ASIC2: variants seen among roughly 807,000 people sequenced by gnomAD.
The protein encoded by ASIC2 is acid-sensing ion channel 2.
In ASIC2, 25 loss-of-function variants were observed where a neutral mutation model predicts 57.3. The observed-to-expected ratio is 0.44, with a 90% CI of 0.32 to 0.61. The LOEUF (loss-of-function observed/expected upper bound fraction) is 0.61, where lower values mean the gene tolerates loss of function less well. Ranked by LOEUF, ASIC2 falls within the 20% of genes least tolerant of loss-of-function variation. ASIC2 has a pLI of 0.06. For missense variants in ASIC2, 641 were observed against 738.1 expected, an observed-to-expected ratio of 0.87 and a Z score of 1.52; for synonymous variants, 319 against 307.5, an observed-to-expected ratio of 1.04 and a Z score of -0.39.
intron 1 of ASIC2, among the ~76,000 whole-genome samples, chr17:33,892,124 A>C (rs910586544): frequency 7.2e-5 from 11 of 152,254 alleles, no homozygotes; most frequent in Admixed American, 5.9e-4. Context: ...AAACTCGGCA[A>C]GGTTCTTGTT....
chr17:33,773,178 G>A (rs1911167627), intron 1 of ASIC2, among the ~76,000 whole-genome samples: 1 of 152,002 alleles, frequency 6.6e-6, no homozygotes, highest in African/African-American at 2.4e-5. Context: ...CATAGGGATT[G>A]AAAATCTTTC....
chr17:33,911,490 G>A (rs553393114), intron 1 of ASIC2, among the ~76,000 whole-genome samples: 1 of 152,322 alleles, frequency 6.6e-6, no homozygotes, highest in South Asian at 2.1e-4. Flanking sequence ...GAATCAGACT[G>A]AAGTAGGCAG....
chr17:33,312,193 C>T (rs1207763047), intron 1 of ASIC2, among the ~76,000 whole-genome samples: 2 of 152,042 alleles, frequency 1.3e-5, no homozygotes, highest in Non-Finnish European at 2.9e-5. Flanking sequence ...TAAGTGAGAG[C>T]AATATAGGTA....
In ASIC2 at chr17:33,600,883, T is replaced by C. The variant is rs140588954; in HGVS notation, c.556-488816A>G. ...TCAGACAGAAATGAGGAAGAAGACA[T>C]TGGAAACTGGAATAAAGGCCATCCC... On this transcript the variant is annotated intron_variant, in intron 1 of 9. Coordinates refer to the ASIC2 transcript ENST00000359872. Among the ~76,000 whole-genome samples the C allele has an allele frequency of 5.6e-3, 856 of 152,220 alleles. 4 individuals carry two copies. Among genetic ancestry groups the C allele is most frequent in the African/African-American group, 0.02 (817 of 41,540 alleles).
intron 1 of ASIC2, among the ~76,000 whole-genome samples, chr17:33,865,772 C>A (rs200425797): frequency 0.24 from 17,303 of 73,522 alleles, 1,160 homozygotes; most frequent in South Asian, 0.31. Flanking sequence ...AAAAAAAAAA[C>A]AAAAAAAAAA....
chr17:33,136,542 C>A (rs1288542857), intron 1 of ASIC2, among the ~76,000 whole-genome samples: 1 of 152,212 alleles, frequency 6.6e-6, no homozygotes, highest in Non-Finnish European at 1.5e-5. Context: ...TGGAAAACTT[C>A]TTCTGGAAGC....
chr17:33,191,134 T>C (rs1906402545), intron 1 of ASIC2, among the ~76,000 whole-genome samples: 1 of 152,138 alleles, frequency 6.6e-6, no homozygotes, highest in Non-Finnish European at 1.5e-5. Flanking sequence ...AATAGAAATA[T>C]GTCTCAGCAA....
chr17:34,124,019 T>G (rs1183240876), intron 1 of ASIC2, among the ~76,000 whole-genome samples: 1 of 152,090 alleles, frequency 6.6e-6, no homozygotes, highest in African/African-American at 2.4e-5. Context: ...GAGGTGGAGG[T>G]TGCATGAGCC....
intron 1 of ASIC2, among the ~76,000 whole-genome samples, chr17:33,823,242 T>C (rs756682090): frequency 4.6e-5 from 7 of 152,356 alleles, no homozygotes; most frequent in Middle Eastern, 3.4e-3. Flanking sequence ...GGATGAGATT[T>C]GAACCCAAGC....
chr17:33,335,170 C>T (rs564524383), intron 1 of ASIC2, among the ~76,000 whole-genome samples: 35 of 152,276 alleles, frequency 2.3e-4, no homozygotes, highest in African/African-American at 7.5e-4. Context: ...TTAGCGCTAG[C>T]GTCCAGGTAA....
intron 1 of ASIC2, among the ~76,000 whole-genome samples, chr17:33,598,342 C>G (rs781134952): frequency 2.0e-5 from 3 of 152,162 alleles, no homozygotes; most frequent in African/African-American, 4.8e-5. Flanking sequence ...ACAGCCTTGT[C>G]CAAGGAGGCC....
chr17:33,929,898 A>T lies in ASIC2; in HGVS notation c.555+226080T>A, dbSNP rs892377159. ...ATTGAAAAGGTGTGGTTGCTTGTGA[A>T]CACAGTCACAGAGAGCCCTTGGCTC... is the stretch of plus-strand genomic sequence containing the variant. On this transcript the variant is annotated intron_variant, in intron 1 of 9. Transcript: ENST00000359872. Among the ~76,000 whole-genome samples, 15 of 152,244 alleles carry T rather than the reference A, an allele frequency of 9.9e-5. 1 individual carries two copies. Among genetic ancestry groups the T allele is most frequent in the African/African-American group, 3.6e-4 (15 of 41,460 alleles).
intron 1 of ASIC2, among the ~76,000 whole-genome samples, chr17:33,415,883 C>G (rs948733181): frequency 6.6e-6 from 1 of 152,220 alleles, no homozygotes; most frequent in African/African-American, 2.4e-5. Flanking sequence ...GGCTGTACTC[C>G]TCTCTGTTCC....
chr17:33,198,907 T>C (rs1048147594), intron 1 of ASIC2, among the ~76,000 whole-genome samples: 2 of 152,226 alleles, frequency 1.3e-5, no homozygotes, highest in East Asian at 3.8e-4. Flanking sequence ...ACCGTCCTGC[T>C]TGGAGACCTG....
intron 1 of ASIC2, among the ~76,000 whole-genome samples, chr17:33,416,133 G>C (rs528584592): frequency 1.3e-5 from 2 of 152,264 alleles, no homozygotes; most frequent in African/African-American, 4.8e-5. Flanking sequence ...TGGCTCCCTG[G>C]TATCAGTCAT....
intron 1 of ASIC2, among the ~76,000 whole-genome samples, chr17:33,954,505 C>A (rs1904674347): frequency 6.6e-6 from 1 of 152,120 alleles, no homozygotes; most frequent in African/African-American, 2.4e-5. Context: ...CTCCAAGGAG[C>A]AAAACGTCTC....
At chr17:33,016,572 T>C (rs536239819) in intron 8 of ASIC2, among the ~76,000 whole-genome samples, 1 of 152,200 alleles carries the variant, frequency 6.6e-6, no homozygotes, top group Non-Finnish European at 1.5e-5. Flanking sequence ...CAAAAGTCAA[T>C]AAACAAAGCA....
chr17:34,037,589 G>A, intron 1 of ASIC2: 2 of 1,518,608 alleles, frequency 1.3e-6, no homozygotes, highest in East Asian at 2.3e-5. Context: ...CACTTTGTGT[G>A]TGTTGAACAG....
chr17:33,662,698 C>T (rs1168807774), intron 1 of ASIC2, among the ~76,000 whole-genome samples: 1 of 151,194 alleles, frequency 6.6e-6, no homozygotes, highest in Non-Finnish European at 1.5e-5. Flanking sequence ...GTAAGTTCTA[C>T]TCACTTTTAG....
Sources: gnomAD v4.1 joint callset for allele counts (sites outside exome capture counted in the v4.1 genomes callset) on GRCh38, gnomAD v4.1.1 for gene constraint, MANE v1.5 for transcripts, NCBI Gene and HGNC (gene_info 2026-07-23, HGNC 2026-07-21) for gene names.